The following ADAMTSL1 variants were observed in gnomAD, a reference collection of about 807,000 sequenced individuals.
The protein encoded by ADAMTSL1 is ADAMTS-like protein 1.
A neutral mutation model predicts 201.8 loss-of-function variants in ADAMTSL1; 126 were observed. The ratio of observed to expected loss-of-function variants is 0.62; its 90% CI spans 0.54 to 0.72. The LOEUF is 0.72. Ranked by LOEUF, ADAMTSL1 falls within the 30% of genes least tolerant of loss-of-function variation. The pLI, the probability that ADAMTSL1 is intolerant of heterozygous loss-of-function variation, is 0.00. For missense variants in ADAMTSL1, 2,679 were observed against 2,277.8 expected, an observed-to-expected ratio of 1.18 and a Z score of -3.59; for synonymous variants, 1,121 against 903.4, an observed-to-expected ratio of 1.24 and a Z score of -4.32.
intron 15 of ADAMTSL1, among the ~76,000 whole-genome samples, chr9:18,730,956 C>T (rs967665535): frequency 3.9e-5 from 6 of 152,242 alleles, no homozygotes; most frequent in Non-Finnish European, 8.8e-5. Flanking sequence ...TGGAGCTTGA[C>T]ACTTACTCCA....
chr9:18,172,518 C>G (rs922044495), intron 2 of ADAMTSL1, among the ~76,000 whole-genome samples: 3 of 152,096 alleles, frequency 2.0e-5, no homozygotes, highest in African/African-American at 7.2e-5. Flanking sequence ...GAGAAGCACT[C>G]CTATACTGCT....
rs1158401320 is a variant in ADAMTSL1, at chr9:18,770,912, C to G, written c.2397+131C>G. The G allele has an allele frequency of 1.2e-5, 12 of 1,000,814 alleles. No individual in the cohort carries two copies. The South Asian group carries it at 2.1e-4, about 18-fold the overall frequency. The allele number at this position is 1,000,814 out of a possible 1,614,324, so 62.0% of individuals were successfully genotyped here. On this transcript the variant is annotated intron_variant, in intron 17 of 28. Coordinates refer to ENST00000380548, the MANE Select transcript of ADAMTSL1 (RefSeq NM_001040272.6). ...ATATTATGGAATAGTATTTTTGTAACCATATATACCGTAGTGTGTAACTAG... is the reference window on the plus strand; with the variant it reads ...ATATTATGGAATAGTATTTTTGTAAGCATATATACCGTAGTGTGTAACTAG...
intron 1 of ADAMTSL1, among the ~76,000 whole-genome samples, chr9:18,027,959 A>G (rs1456662899): frequency 6.6e-6 from 1 of 152,102 alleles, no homozygotes; most frequent in African/African-American, 2.4e-5. Flanking sequence ...ATTTATCACT[A>G]TGTAATGACC....
At chr9:18,817,586 G>C (rs774131189) in intron 21 of ADAMTSL1, among the ~76,000 whole-genome samples, 15 of 152,360 alleles carry the variant, frequency 9.8e-5, no homozygotes, top group Non-Finnish European at 2.1e-4. Context: ...CCTCTAGGCT[G>C]TAGAGAGAAC....
At chr9:18,288,594 G>GA (rs1294871076) in intron 2 of ADAMTSL1, among the ~76,000 whole-genome samples, 1 of 152,084 alleles carries the variant, frequency 6.6e-6, no homozygotes, top group Non-Finnish European at 1.5e-5. Flanking sequence ...CAGAAGCCAG[G>GA]AAGGCAAGAA....
At chr9:18,681,702 G>A (rs184672422) in intron 11 of ADAMTSL1, 110 bp from the exon 12 acceptor site, 98 of 507,848 alleles carry the variant, frequency 1.9e-4, no homozygotes, top group Admixed American at 5.1e-4. Context: ...TCGTGTGGGG[G>A]GGGGGGGCGG....
chr9:18,892,353 C>T (rs1448289926), intron 25 of ADAMTSL1, 36 bp from the exon 26 acceptor site: 3 of 1,591,058 alleles, frequency 1.9e-6, no homozygotes, highest in East Asian at 2.3e-5. Flanking sequence ...GGGCCTGTCC[C>T]TTTAGGGCTC....
At chr9:18,065,335 T>C (rs1822647900) in intron 1 of ADAMTSL1, among the ~76,000 whole-genome samples, 1 of 152,148 alleles carries the variant, frequency 6.6e-6, no homozygotes, top group Non-Finnish European at 1.5e-5. Context: ...TCTTTAAGGA[T>C]TTAGGTTTTC....
At chr9:18,430,935 G>T (rs972278203) in intron 2 of ADAMTSL1, among the ~76,000 whole-genome samples, 1 of 152,126 alleles carries the variant, frequency 6.6e-6, no homozygotes, top group East Asian at 1.9e-4. Context: ...CATAAAACAG[G>T]CTGAATGGGT....
intron 3 of ADAMTSL1, among the ~76,000 whole-genome samples, chr9:18,538,883 C>T (rs1188342609): frequency 6.6e-6 from 1 of 152,194 alleles, no homozygotes; most frequent in East Asian, 1.9e-4. Flanking sequence ...AATGACGCTG[C>T]TACAGGTCTT....
intron 4 of ADAMTSL1, among the ~76,000 whole-genome samples, chr9:18,581,134 C>T (rs1161996847): frequency 2.0e-5 from 3 of 152,126 alleles, no homozygotes; most frequent in Non-Finnish European, 4.4e-5. Context: ...TTTGCCTCTT[C>T]CTAACTTCTA....
chr9:18,183,146 A>C (rs975511396), intron 2 of ADAMTSL1, among the ~76,000 whole-genome samples: 1 of 152,226 alleles, frequency 6.6e-6, no homozygotes, highest in African/African-American at 2.4e-5. Context: ...ACAGTCTTTC[A>C]ACAGATGGTG....
At chr9:18,177,533 GTA>G (rs1828224553) in intron 2 of ADAMTSL1, among the ~76,000 whole-genome samples, 2 of 152,272 alleles carry the variant, frequency 1.3e-5, no homozygotes, top group Admixed American at 1.3e-4. Flanking sequence ...TTCAGGACCA[GTA>G]TGATCAAAGG....
chr9:18,618,243 A>G (rs1326926569), intron 4 of ADAMTSL1, among the ~76,000 whole-genome samples: 6 of 152,316 alleles, frequency 3.9e-5, no homozygotes, highest in African/African-American at 1.4e-4. Context: ...GTACATATAC[A>G]TACCTACACA....
intron 2 of ADAMTSL1, among the ~76,000 whole-genome samples, chr9:18,295,877 A>G (rs1029389156): frequency 7.2e-5 from 11 of 152,246 alleles, no homozygotes; most frequent in African/African-American, 2.7e-4. Flanking sequence ...ATGTATTAAC[A>G]TAAAGAAGAA....
intron 7 of ADAMTSL1, among the ~76,000 whole-genome samples, chr9:18,650,054 C>T (rs1828113559): frequency 1.3e-5 from 2 of 152,372 alleles, no homozygotes; most frequent in South Asian, 2.1e-4. Flanking sequence ...CCAGTTCGAG[C>T]TTCCAGGCTG....
At chr9:18,352,547 CA>C (rs1310122230) in intron 2 of ADAMTSL1, among the ~76,000 whole-genome samples, 2 of 152,280 alleles carry the variant, frequency 1.3e-5, no homozygotes, top group Admixed American at 1.3e-4. Context: ...TCAGGGATTA[CA>C]TTTAAATTTC....
intron 2 of ADAMTSL1, among the ~76,000 whole-genome samples, chr9:18,399,308 TATATATATATATATATATA>T (rs1817880877): frequency 9.0e-6 from 1 of 111,700 alleles, no homozygotes. Flanking sequence ...TATATATATA[TATATATATATATATATATA>T]TAAAATTATT....
At chr9:18,418,307 G>A (rs150651674) in intron 2 of ADAMTSL1, among the ~76,000 whole-genome samples, 105 of 152,312 alleles carry the variant, frequency 6.9e-4, no homozygotes, top group Non-Finnish European at 1.3e-3. Flanking sequence ...CACTGGGGAA[G>A]GCAGTGATGT....
Sources: allele counts gnomAD v4.1 joint callset (sites outside exome capture counted in the v4.1 genomes callset), GRCh38; gene constraint gnomAD v4.1.1; transcripts MANE v1.5; gene names NCBI Gene and HGNC (gene_info 2026-07-23, HGNC 2026-07-21).